USP13: variants seen among roughly 807,000 people sequenced by gnomAD.
USP13 encodes the protein ubiquitin carboxyl-terminal hydrolase 13.
Under a neutral mutation model 107.8 loss-of-function variants are expected in USP13, and 68 were observed. That is an observed-to-expected ratio of 0.63 (90% CI 0.52 to 0.77). The LOEUF is 0.77. Ranked by LOEUF, USP13 falls within the 30% of genes least tolerant of loss-of-function variation. The pLI is 0.00. For missense variants in USP13, 945 were observed against 1,093.3 expected (o/e 0.86, Z 1.91); for synonymous variants, 377 against 389.5 (o/e 0.97, Z 0.38).
At chr3:179,760,883 T>A (rs539192482) in intron 16 of USP13, among the ~76,000 whole-genome samples, 1 of 152,362 alleles carries the variant, frequency 6.6e-6, no homozygotes, top group East Asian at 1.9e-4. Flanking sequence ...TTGCTTGCAT[T>A]GTCCAGGTAA....
intron 12 of USP13, 44 bp from the exon 13 acceptor site, chr3:179,744,999 G>A: frequency 6.2e-7 from 1 of 1,610,968 alleles, no homozygotes; most frequent in South Asian, 1.1e-5. Flanking sequence ...CATTTCCACA[G>A]GGTAAGAGCG....
chr3:179,728,225 C>T (rs1380835134), intron 8 of USP13, among the ~76,000 whole-genome samples: 4 of 147,324 alleles, frequency 2.7e-5, no homozygotes, highest in African/African-American at 5.0e-5. Context: ...CCCTGCCAGA[C>T]GAGGTGGCTG....
chr3:179,766,003 CAG>C (rs891173770), intron 19 of USP13, among the ~76,000 whole-genome samples, 155 bp downstream of exon 19: 2 of 148,010 alleles, frequency 1.4e-5, no homozygotes, highest in African/African-American at 5.0e-5. Flanking sequence ...TTTTTTGAGA[CAG>C]AGTCTCACAC....
chr3:179,661,447 A>G (rs749260991), intron 1 of USP13, among the ~76,000 whole-genome samples: 6 of 148,742 alleles, frequency 4.0e-5, no homozygotes, highest in Non-Finnish European at 8.9e-5. Context: ...GGAATTTACT[A>G]TTTCATAGAT....
chr3:179,693,911 T>G (rs946729701), intron 3 of USP13, among the ~76,000 whole-genome samples: 1 of 151,860 alleles, frequency 6.6e-6, no homozygotes, highest in Non-Finnish European at 1.5e-5. Context: ...ACTCCTGACC[T>G]CAGGTGGTCT....
intron 19 of USP13, among the ~76,000 whole-genome samples, chr3:179,776,858 GTT>G (rs71628094): frequency 9.8e-4 from 77 of 78,284 alleles, no homozygotes; most frequent in African/African-American, 3.5e-3. Context: ...TAGAGTGCTG[GTT>G]TTTTTTTTTT....
intron 6 of USP13, among the ~76,000 whole-genome samples, chr3:179,714,870 C>CTTTTTT (rs34976120): frequency 2.2e-5 from 3 of 137,472 alleles, no homozygotes; most frequent in Admixed American, 7.5e-5. Context: ...TTTCCTTTTT[C>CTTTTTT]TTTTTTTTTT....
At chr3:179,759,256 C>G (rs948162319) in intron 16 of USP13, among the ~76,000 whole-genome samples, 1 of 152,218 alleles carries the variant, frequency 6.6e-6, no homozygotes, top group African/African-American at 2.4e-5. Flanking sequence ...GCTGGGATTA[C>G]AGGCGTGAGC....
chr3:179,742,182 C>A lies in USP13; in HGVS notation c.1381-15C>A. 1 of 1,614,140 alleles carries A rather than the reference C, an allele frequency of 6.2e-7. No individual in the cohort carries two copies. Among genetic ancestry groups the A allele is most frequent in the Non-Finnish European group, 8.5e-7 (1 of 1,180,006 alleles). On this transcript the variant is annotated splice_polypyrimidine_tract_variant and intron_variant, in intron 11 of 20. Transcript: ENST00000263966. The surrounding 1 kb of genome is among the most constrained non-coding windows in gnomAD (Gnocchi z 5.0). ...TATTCATACATTTACTAACCTGATA[C>A]AATCCATCCTTCAGAGGAACCGCAT...
intron 13 of USP13, among the ~76,000 whole-genome samples, chr3:179,748,596 T>C (rs1364127667): frequency 6.6e-6 from 1 of 152,220 alleles, no homozygotes; most frequent in Non-Finnish European, 1.5e-5. Flanking sequence ...GGAAGAATAT[T>C]AGTGCTTGGA....
Position 179,688,252 on chromosome 3 carries a change from T to C in USP13, c.295-1989T>C, listed in dbSNP as rs894619669. 2.3e-5 allele frequency among the ~76,000 whole-genome samples: 3 copies of C among 130,234 alleles called. No individual in the cohort carries two copies. The East Asian group carries it at 7.5e-4, about 33-fold the overall frequency. 85.4% of individuals were successfully genotyped at this position (130,234 alleles called of 152,430 possible). ...ATCCATCCATCCAACAAATATTTAC[T>C]CAGTAGCTGCTATATGCCAGGATTG... On this transcript the variant is annotated intron_variant, in intron 2 of 20. Coordinates refer to ENST00000263966, the MANE Select transcript of USP13 (RefSeq NM_003940.3).
intron 10 of USP13, among the ~76,000 whole-genome samples, chr3:179,731,256 C>T (rs1348015214): frequency 2.0e-5 from 3 of 152,112 alleles, no homozygotes; most frequent in Non-Finnish European, 2.9e-5. Flanking sequence ...ACTAAAAATA[C>T]AAAAATTAGC....
At chr3:179,659,526 T>C (rs1720394820) in intron 1 of USP13, among the ~76,000 whole-genome samples, 1 of 152,114 alleles carries the variant, frequency 6.6e-6, no homozygotes, top group South Asian at 2.1e-4. Flanking sequence ...TGAGACCGAG[T>C]GATAGGGCAC....
intron 16 of USP13, 75 bp from the exon 17 acceptor site, chr3:179,761,036 AG>A (rs1468531659): frequency 5.5e-5 from 86 of 1,560,700 alleles, no homozygotes; most frequent in Non-Finnish European, 7.4e-5. Flanking sequence ...GCATGTGGAT[AG>A]GAGAGTGGAG....
chr3:179,723,054 G>A lies in USP13; in HGVS notation c.1088+1465G>A, dbSNP rs191622034. ...TAGAGAATCATCCTAATGTGTTCCA[G>A]AGGTAGGTTTCCACCTTAGTTTAAG... On this transcript the variant is annotated intron_variant, in intron 8 of 20. Coordinates refer to ENST00000263966, the MANE Select transcript of USP13 (RefSeq NM_003940.3). Among the ~76,000 whole-genome samples, 608 of 152,324 alleles carry A rather than the reference G, an allele frequency of 4.0e-3. 3 individuals are homozygous for A. The highest frequency in any genetic ancestry group is 0.014 in the African/African-American group (579 of 41,568).
intron 8 of USP13, 125 bp from the exon 9 acceptor site, chr3:179,730,064 T>A (rs9827157): frequency 0.058 from 48,201 of 834,422 alleles, 2,689 homozygotes; most frequent in African/African-American, 0.19. Flanking sequence ...TGAAAAACTT[T>A]TCTTCAGGTA....
chr3:179,731,437 T>C (rs1203969229), intron 10 of USP13, among the ~76,000 whole-genome samples: 5 of 151,972 alleles, frequency 3.3e-5, no homozygotes, highest in Non-Finnish European at 5.9e-5. Context: ...AACACATAGA[T>C]TCCTTAGTCC....
rs1362566234 is a variant in USP13 at position 179,785,931 on chromosome 3, T to G, written c.*1790T>G. On this transcript the variant is annotated 3_prime_UTR_variant, in exon 21 of 21. Transcript: ENST00000263966. ...GCTTTGAGGATACAGTGAGATTGGT[T>G]ACAGTGAACCTTCAATGAGTAGAAT... 2.6e-5 allele frequency: 4 copies of G among 152,274 alleles called. No homozygotes were observed. The highest frequency in any genetic ancestry group is 5.9e-5 in the Non-Finnish European group (4 of 68,088). The allele number at this position is 152,274 out of a possible 1,614,324, so 9.4% of individuals were successfully genotyped here.
At position 179,721,380 on chromosome 3, in the gene USP13, T is replaced by C; in HGVS notation, c.901-22T>C. ...ATGGGAATCACATTTAAAGTTGTTT[T>C]TCTTCGATGACTTTGTCTCAGACAG... is the stretch of plus-strand genomic sequence containing the variant. On this transcript the variant is annotated intron_variant, in intron 7 of 20. Transcript: ENST00000263966. This position sits in a 1 kb window ranked among gnomAD's most constrained non-coding sequence, Gnocchi z 4.3. The C allele has an allele frequency of 1.2e-6, 2 of 1,605,304 alleles. No individual in the cohort carries two copies. The highest frequency in any genetic ancestry group is 2.7e-5 in the African/African-American group (2 of 74,820).
Sources: allele counts gnomAD v4.1 joint callset (sites outside exome capture counted in the v4.1 genomes callset), GRCh38; gene constraint gnomAD v4.1.1; non-coding constraint Gnocchi (gnomAD v3.1); transcripts MANE v1.5; gene names NCBI Gene and HGNC (gene_info 2026-07-23, HGNC 2026-07-21).